PLD5: variants seen among roughly 807,000 people sequenced by gnomAD.
The protein encoded by PLD5 is inactive phospholipase D5.
PLD5 carries 36 observed loss-of-function variants against 61.1 expected under a neutral mutation model. That is an observed-to-expected ratio of 0.59 (90% CI 0.45 to 0.78). The LOEUF (loss-of-function observed/expected upper bound fraction) is 0.78, where lower values mean the gene tolerates loss of function less well. PLD5 is among the 30% of genes least tolerant of loss of function. PLD5 has a pLI of 0.00. For missense variants in PLD5, 515 were observed against 644.4 expected (o/e 0.80, Z 2.17); for synonymous variants, 243 against 242.8 (o/e 1.00, Z -0.01).
At chr1:242,367,414 G>C (rs1482605359) in intron 1 of PLD5, among the ~76,000 whole-genome samples, 4 of 152,170 alleles carry the variant, frequency 2.6e-5, no homozygotes, top group African/African-American at 9.7e-5. Context: ...TGATGGGCCA[G>C]TCATCCCTTT....
chr1:242,099,700 T>C (rs1181493132), intron 9 of PLD5, among the ~76,000 whole-genome samples: 1 of 152,210 alleles, frequency 6.6e-6, no homozygotes, highest in Non-Finnish European at 1.5e-5. Flanking sequence ...CTATTGGTGA[T>C]GTTGCGAAGA....
chr1:242,098,112 G>T, intron 9 of PLD5, among the ~76,000 whole-genome samples: 1 of 152,254 alleles, frequency 6.6e-6, no homozygotes, highest in South Asian at 2.1e-4. Context: ...GGCCTGCCTT[G>T]CTAGATTGGG....
In PLD5 at chr1:242,124,538, T is replaced by C. The variant is rs1395501385; in HGVS notation, c.863A>G (p.Tyr288Cys). 3.7e-6 allele frequency: 6 copies of C among 1,614,172 alleles called. No homozygotes were observed. Among genetic ancestry groups the C allele is most frequent in the Non-Finnish European group, 5.1e-6 (6 of 1,180,008 alleles). ...RVPQTWSKRL[Y>C]GVYDNEKKLQ... ...TTTCTTTTCATTGTCATAGACTCCA[T>C]AGAGTCTTTTGGACCAGGTTTGAGG... The change falls in exon 6 of 10, where the codon TAT (tyrosine) becomes TGT (cysteine). Residue 288 changes from tyrosine (Y) to cysteine (C), a missense_variant. This residue lies in a region of PLD5 where 450 missense variants were observed against 598.1 expected (regional missense o/e 0.75). Transcript: ENST00000536534.
chr1:242,165,681 G>T (rs1666257677), intron 5 of PLD5, among the ~76,000 whole-genome samples: 1 of 152,114 alleles, frequency 6.6e-6, no homozygotes, highest in African/African-American at 2.4e-5. Flanking sequence ...TTAAATGTAG[G>T]TTTAACTTTC....
chr1:242,294,028 T>C (rs560966067), intron 2 of PLD5, among the ~76,000 whole-genome samples: 1 of 152,316 alleles, frequency 6.6e-6, no homozygotes, highest in Admixed American at 6.5e-5. Flanking sequence ...CTCATACTTC[T>C]CAAGGTAAGA....
intron 6 of PLD5, among the ~76,000 whole-genome samples, chr1:242,116,018 T>A (rs1306988613): frequency 6.6e-6 from 1 of 152,212 alleles, no homozygotes; most frequent in Non-Finnish European, 1.5e-5. Context: ...ACAGTTGCTG[T>A]TTTACTTTGA....
intron 1 of PLD5, among the ~76,000 whole-genome samples, chr1:242,357,842 G>T (rs1660844231): frequency 6.6e-6 from 1 of 152,092 alleles, no homozygotes; most frequent in South Asian, 2.1e-4. Flanking sequence ...CCCTTTTACT[G>T]TGTCTTCTCC....
chr1:242,361,758 A>G (rs1367769598), intron 1 of PLD5, among the ~76,000 whole-genome samples: 3 of 152,136 alleles, frequency 2.0e-5, no homozygotes, highest in Non-Finnish European at 4.4e-5. Context: ...AGAAATAGAG[A>G]TATATTATCT....
rs34329270 is a variant in PLD5 at position 242,164,167 on chromosome 1, G to GAAAA, written c.736-39506_736-39503dup. ...GCCATTGGTCATGCATCTGAATGCA[G>GAAAA]AAAAAAAAAAAAGAAATTCATGCAG... On this transcript the variant is annotated intron_variant, in intron 5 of 9. Coordinates refer to ENST00000536534, the MANE Select transcript of PLD5 (RefSeq NM_001372062.1). Among the ~76,000 whole-genome samples, 404 of 145,902 alleles carry GAAAA rather than the reference G, an allele frequency of 2.8e-3. 2 individuals are homozygous for GAAAA. Among genetic ancestry groups the GAAAA allele is most frequent in the African/African-American group, 9.7e-3 (387 of 39,840 alleles).
At chr1:242,107,039 C>G (rs4274045) in intron 8 of PLD5, among the ~76,000 whole-genome samples, 3 of 151,938 alleles carry the variant, frequency 2.0e-5, no homozygotes, top group African/African-American at 7.3e-5. Context: ...GGGATTAGTA[C>G]GTGGCCCAAG....
chr1:242,256,908 C>CATCTATCT lies in PLD5; in HGVS notation c.607+8421_607+8428dup, dbSNP rs71176734. Among the ~76,000 whole-genome samples, 17 of 149,730 alleles carry CATCTATCT rather than the reference C, an allele frequency of 1.1e-4. No homozygotes were observed. The highest frequency in any genetic ancestry group is 3.4e-4 in the African/African-American group (14 of 40,648). ...TCCCTCTTCTTTCTCTTTCTTTTTTCATCTATCTATCTATCTATCTATCTA... is the reference window on the plus strand; with the variant it reads ...TCCCTCTTCTTTCTCTTTCTTTTTTCATCTATCTATCTATCTATCTATCTATCTATCTA... On this transcript the variant is annotated intron_variant, in intron 4 of 9. Coordinates refer to ENST00000536534, the MANE Select transcript of PLD5 (RefSeq NM_001372062.1). The surrounding 1 kb of genome is among the most constrained non-coding windows in gnomAD (Gnocchi z 5.7).
At chr1:242,360,600 TAAC>T (rs898735531) in intron 1 of PLD5, among the ~76,000 whole-genome samples, 1 of 152,172 alleles carries the variant, frequency 6.6e-6, no homozygotes, top group African/African-American at 2.4e-5. Flanking sequence ...TCTGCCTATC[TAAC>T]AACGATAAAA....
chr1:242,395,043 G>GTATATATGAATATATACGTA, intron 1 of PLD5, among the ~76,000 whole-genome samples: 1 of 67,462 alleles, frequency 1.5e-5, no homozygotes, highest in East Asian at 3.4e-4. Flanking sequence ...GAATGTATAT[G>GTATATATGAATATATACGTA]TATATATGAA....
chr1:242,412,301 T>A (rs1321924752), intron 1 of PLD5, among the ~76,000 whole-genome samples: 1 of 152,198 alleles, frequency 6.6e-6, no homozygotes, highest in Non-Finnish European at 1.5e-5. Flanking sequence ...TGGGGTCCCC[T>A]TGGTCAAGAA....
chr1:242,410,532 G>A lies in PLD5; in HGVS notation c.190-62290C>T, dbSNP rs188684819. Among the ~76,000 whole-genome samples, 270 of 152,100 alleles carry A rather than the reference G, an allele frequency of 1.8e-3. 2 individuals are homozygous for A. Among genetic ancestry groups the A allele is most frequent in the Admixed American group, 3.7e-3 (57 of 15,280 alleles). ...GGAGTTAAGATACCTACTGTTGAGA[G>A]TTTTAAAAATTGTTATTTCAAAATG... On this transcript the variant is annotated intron_variant, in intron 1 of 9. Transcript: ENST00000536534.
chr1:242,140,176 T>C (rs1293824413), intron 5 of PLD5, among the ~76,000 whole-genome samples: 1 of 152,216 alleles, frequency 6.6e-6, no homozygotes, highest in African/African-American at 2.4e-5. Context: ...GCACAAGGTC[T>C]TTTGCAGCAA....
At chr1:242,234,790 T>TG (rs1158259821) in intron 4 of PLD5, among the ~76,000 whole-genome samples, 1 of 151,668 alleles carries the variant, frequency 6.6e-6, no homozygotes, top group African/African-American at 2.4e-5. Flanking sequence ...TAAGCCTAAC[T>TG]GGGGATGGGA....
At chr1:242,400,220 T>A (rs926157087) in intron 1 of PLD5, among the ~76,000 whole-genome samples, 11 of 151,010 alleles carry the variant, frequency 7.3e-5, no homozygotes, top group Non-Finnish European at 1.3e-4. Flanking sequence ...TGATCTGAAG[T>A]GGAACAGTTT....
intron 2 of PLD5, among the ~76,000 whole-genome samples, chr1:242,293,884 G>C (rs1293082555): frequency 6.6e-6 from 1 of 152,128 alleles, no homozygotes; most frequent in Non-Finnish European, 1.5e-5. Context: ...CTAAAAACCA[G>C]CTTTGAAATG....
Sources: gnomAD v4.1 joint callset for allele counts (sites outside exome capture counted in the v4.1 genomes callset) on GRCh38, gnomAD v4.1.1 for gene constraint, gnomAD v4.1.1 regional missense constraint, Gnocchi (gnomAD v3.1) non-coding constraint, MANE v1.5 for transcripts, NCBI Gene and HGNC (gene_info 2026-07-23, HGNC 2026-07-21) for gene names.